The following GPAT3 variants were observed in gnomAD, a reference collection of about 807,000 sequenced individuals.
GPAT3 encodes the protein glycerol-3-phosphate acyltransferase 3.
A neutral mutation model predicts 58.8 loss-of-function variants in GPAT3; 53 were observed. That is an observed-to-expected ratio of 0.90 (90% confidence interval 0.72 to 1.13). The LOEUF (loss-of-function observed/expected upper bound fraction) is 1.13, where lower values mean the gene tolerates loss of function less well. Ranked by LOEUF, GPAT3 falls within the 50% of genes most tolerant of loss-of-function variation. The pLI is 0.00. For missense variants in GPAT3, 511 were observed against 527.6 expected (o/e 0.97, Z 0.31); for synonymous variants, 197 against 187.4 (o/e 1.05, Z -0.42).
chr4:83,567,723 G>A (rs553379938), intron 2 of GPAT3, among the ~76,000 whole-genome samples: 2 of 152,190 alleles, frequency 1.3e-5, no homozygotes, highest in South Asian at 2.1e-4. Context: ...ATTGAGCTCG[G>A]GAGTTCAAGA....
chr4:83,598,750 A>ATTTTTTT, intron 11 of GPAT3, 27 bp downstream of exon 11: 1 of 256,746 alleles, frequency 3.9e-6, no homozygotes, highest in Non-Finnish European at 6.2e-6. Context: ...AAGTACTATC[A>ATTTTTTT]CTTTTTTTTT....
intron 11 of GPAT3, among the ~76,000 whole-genome samples, chr4:83,600,634 C>T (rs539181224): frequency 6.6e-6 from 1 of 152,208 alleles, no homozygotes; most frequent in Non-Finnish European, 1.5e-5. Flanking sequence ...TCCTGAGTAG[C>T]TGGGACTGCA....
intron 1 of GPAT3, among the ~76,000 whole-genome samples, chr4:83,537,727 A>T (rs1578154112): frequency 6.6e-6 from 1 of 151,720 alleles, no homozygotes; most frequent in Middle Eastern, 3.4e-3. Context: ...AAGTGCTGGG[A>T]TTAAAGGTGT....
intron 2 of GPAT3, among the ~76,000 whole-genome samples, chr4:83,562,214 TATATATATATA>T (rs1198540008): frequency 1.8e-4 from 14 of 77,108 alleles, no homozygotes; most frequent in Admixed American, 7.7e-4. Flanking sequence ...ATATATATTA[TATATATATATA>T]ATATATATAT....
At chr4:83,602,480 T>C (rs1280591564) in intron 11 of GPAT3, among the ~76,000 whole-genome samples, 1 of 152,248 alleles carries the variant, frequency 6.6e-6, no homozygotes, top group Admixed American at 6.5e-5. Context: ...CATATCTAGA[T>C]TGTTTTTTCA....
At chr4:83,589,289 A>G (rs917728270) in intron 5 of GPAT3, among the ~76,000 whole-genome samples, 1 of 152,242 alleles carries the variant, frequency 6.6e-6, no homozygotes, top group Non-Finnish European at 1.5e-5. Flanking sequence ...ATAGGCCCAA[A>G]GAAAACTACT....
intron 2 of GPAT3, among the ~76,000 whole-genome samples, chr4:83,575,238 G>A (rs1477063532): frequency 6.6e-6 from 1 of 151,986 alleles, no homozygotes; most frequent in Non-Finnish European, 1.5e-5. Context: ...TGTAATTTGA[G>A]GCCTAACGCA....
intron 2 of GPAT3, among the ~76,000 whole-genome samples, chr4:83,579,321 C>T (rs1351159487): frequency 8.7e-6 from 1 of 115,470 alleles, no homozygotes; most frequent in Non-Finnish European, 1.7e-5. Flanking sequence ...CCCTTTCCAT[C>T]TCATTTTGTC....
At chr4:83,582,885 A>G (rs1396018398) in intron 3 of GPAT3, among the ~76,000 whole-genome samples, 1 of 152,182 alleles carries the variant, frequency 6.6e-6, no homozygotes, top group Non-Finnish European at 1.5e-5. Context: ...AAGGTTTCAC[A>G]TATAATTTTG....
intron 6 of GPAT3, among the ~76,000 whole-genome samples, chr4:83,594,615 A>C (rs549513002): frequency 2.1e-4 from 32 of 152,294 alleles, no homozygotes; most frequent in African/African-American, 7.5e-4. Flanking sequence ...TACTTTTTGA[A>C]GTTAGAGGAT....
At chr4:83,566,419 T>TTAATTTA (rs141548038) in intron 2 of GPAT3, among the ~76,000 whole-genome samples, 2 of 143,594 alleles carry the variant, frequency 1.4e-5, no homozygotes, top group Non-Finnish European at 3.0e-5. Context: ...AATTAATTAA[T>TTAATTTA]TTATTATTAT....
chr4:83,566,630 A>T (rs1239954157), intron 2 of GPAT3, among the ~76,000 whole-genome samples: 2 of 151,510 alleles, frequency 1.3e-5, no homozygotes, highest in East Asian at 3.9e-4. Flanking sequence ...GCTTTCTATG[A>T]TACAAGGAAA....
At chr4:83,581,905 A>G (rs1726150746) in intron 3 of GPAT3, 73 bp downstream of exon 3, 1 of 1,534,078 alleles carries the variant, frequency 6.5e-7, no homozygotes, top group South Asian at 1.3e-5. Context: ...CATAATGGCC[A>G]CGTAAGTGTT....
At chr4:83,572,178 G>A (rs1725634347) in intron 2 of GPAT3, among the ~76,000 whole-genome samples, 2 of 152,098 alleles carry the variant, frequency 1.3e-5, no homozygotes, top group African/African-American at 4.8e-5. Context: ...ATGGAATGCA[G>A]CCAAGCTTGA....
chr4:83,598,311 A>G, intron 10 of GPAT3, 132 bp downstream of exon 10: 2 of 1,204,756 alleles, frequency 1.7e-6, no homozygotes, highest in Non-Finnish European at 2.3e-6. Context: ...TTAATGATGT[A>G]TTTAGCTCAC....
intron 2 of GPAT3, among the ~76,000 whole-genome samples, chr4:83,571,720 ACACATATATATATATACACG>A (rs1271153529): frequency 2.0e-5 from 2 of 102,038 alleles, no homozygotes; most frequent in Non-Finnish European, 5.0e-5. Context: ...ATATATACAC[ACACATATATATATATACACG>A]CATATATATA....
At chr4:83,600,591 C>G (rs1409273342) in intron 11 of GPAT3, among the ~76,000 whole-genome samples, 1 of 152,098 alleles carries the variant, frequency 6.6e-6, no homozygotes, top group East Asian at 1.9e-4. Flanking sequence ...CAACTTCCAC[C>G]TCCTGGGTTT....
intron 1 of GPAT3, 92 bp downstream of exon 1, chr4:83,536,855 G>GGT: frequency 1.6e-6 from 2 of 1,248,428 alleles, no homozygotes; most frequent in Non-Finnish European, 2.2e-6. Context: ...GCGAGTCAGG[G>GGT]GTGTGTGTGC....
chr4:83,559,466 G>A (rs1488372818), intron 2 of GPAT3, among the ~76,000 whole-genome samples: 1 of 152,124 alleles, frequency 6.6e-6, no homozygotes, highest in African/African-American at 2.4e-5. Flanking sequence ...TGGGATTACA[G>A]GCGCATGCTG....
Sources: gnomAD v4.1 joint callset for allele counts (sites outside exome capture counted in the v4.1 genomes callset) on GRCh38, gnomAD v4.1.1 for gene constraint, MANE v1.5 for transcripts, NCBI Gene and HGNC (gene_info 2026-07-23, HGNC 2026-07-21) for gene names.